The following IQCE variants were observed in gnomAD, a reference collection of about 807,000 sequenced individuals.
The protein encoded by IQCE is IQ motif containing E.
In IQCE, 115 loss-of-function variants were observed where a neutral mutation model predicts 96.0. The ratio of observed to expected loss-of-function variants is 1.20; its 90% confidence interval spans 1.03 to 1.40. IQCE has a LOEUF of 1.40. Ranked by LOEUF, IQCE falls within the 40% of genes most tolerant of loss-of-function variation. The pLI is 0.00. For synonymous variants in IQCE, 412 were observed against 371.2 expected (o/e 1.11, Z -1.26); for missense variants, 1,041 against 909.1 (o/e 1.15, Z -1.87).
At chr7:2,595,433 C>T (rs56106525) in intron 16 of IQCE, among the ~76,000 whole-genome samples, 23,556 of 152,184 alleles carry the variant, frequency 0.15, 2,005 homozygotes, top group African/African-American at 0.21. Flanking sequence ...TTCCTGTGCC[C>T]TCCCTGCCGT....
chr7:2,574,444 G>C (rs1781975363), intron 6 of IQCE, among the ~76,000 whole-genome samples: 1 of 152,254 alleles, frequency 6.6e-6, no homozygotes, highest in Non-Finnish European at 1.5e-5. Context: ...TGTGTGAGAA[G>C]AACGCTCTAA....
chr7:2,584,178 A>T, intron 10 of IQCE, 58 bp from the exon 11 acceptor site: 1 of 1,474,096 alleles, frequency 6.8e-7, no homozygotes, highest in Non-Finnish European at 9.5e-7. Context: ...GTCTTTTCAG[A>T]TAAGGTCTTC....
At chr7:2,576,949 C>T (rs998544354) in intron 6 of IQCE, among the ~76,000 whole-genome samples, 3 of 152,140 alleles carry the variant, frequency 2.0e-5, no homozygotes, top group South Asian at 2.1e-4. Context: ...TTCGTTTAGG[C>T]GCGCATTCCG....
At chr7:2,582,204 G>A in intron 8 of IQCE, 1 of 389,290 alleles carries the variant, frequency 2.6e-6, no homozygotes, top group Non-Finnish European at 5.1e-6. Context: ...GCGGCCCTAG[G>A]GGCTTCAGGT....
At chr7:2,584,881 A>G (rs1327249223) in intron 11 of IQCE, among the ~76,000 whole-genome samples, 1 of 152,162 alleles carries the variant, frequency 6.6e-6, no homozygotes, top group Non-Finnish European at 1.5e-5. Flanking sequence ...TGCTAACTAC[A>G]GTCGATTCTC....
rs974875726 is a variant in IQCE at position 2,611,782 on chromosome 7, G to C, written c.*1620G>C. The C allele has an allele frequency of 7.2e-5, 11 of 152,286 alleles. No individual in the cohort carries two copies. Among genetic ancestry groups the C allele is most frequent in the Middle Eastern group, 3.2e-3 (1 of 316 alleles). 9.4% of individuals were successfully genotyped at this position (152,286 alleles called of 1,614,324 possible). On this transcript the variant is annotated 3_prime_UTR_variant, in exon 22 of 22. Transcript: ENST00000402050. Reference sequence around the variant, plus strand: ...CTGCAGTGGGTGGAAGCGAGTCAGCGGGGGGCCTGGCTTGTGTACGTGTTT... The same window carrying C: ...CTGCAGTGGGTGGAAGCGAGTCAGCCGGGGGCCTGGCTTGTGTACGTGTTT...
rs1785060844 is a variant in IQCE, at chr7:2,610,556, C to T, written c.*394C>T. The T allele has an allele frequency of 5.1e-6, 1 of 195,862 alleles. No individual in the cohort carries two copies. Among genetic ancestry groups the T allele is most frequent in the Admixed American group, 5.8e-5 (1 of 17,260 alleles). 12.1% of individuals were successfully genotyped at this position (195,862 alleles called of 1,614,324 possible). On this transcript the variant is annotated 3_prime_UTR_variant, in exon 22 of 22. Coordinates refer to ENST00000402050, the MANE Select transcript of IQCE (RefSeq NM_152558.5). ...CAGCGCCGACACCATGCCCCCTCTTCCTGGTGACACCCTCAACAACCAGGA... is the reference window on the plus strand; with the variant it reads ...CAGCGCCGACACCATGCCCCCTCTTTCTGGTGACACCCTCAACAACCAGGA...
chr7:2,606,016 G>A lies in IQCE; in HGVS notation c.1865+19G>A, dbSNP rs941998803. On this transcript the variant is annotated intron_variant, in intron 20 of 21. Coordinates refer to ENST00000402050, the MANE Select transcript of IQCE (RefSeq NM_152558.5). ...GGCACAGGTGAGTCAGGGTCACGGG[G>A]ACGTGGGACACAGACATGGCACGAG... 6.9e-6 allele frequency: 11 copies of A among 1,600,368 alleles called. No individual in the cohort carries two copies. Among genetic ancestry groups the A allele is most frequent in the East Asian group, 4.6e-5 (2 of 43,710 alleles).
At position 2,610,299 on chromosome 7, in the gene IQCE, T is replaced by C. The variant is rs1785052591; in HGVS notation, c.*137T>C. The C allele has an allele frequency of 4.7e-6, 3 of 643,062 alleles. No homozygotes were observed. Among genetic ancestry groups the C allele is most frequent in the East Asian group, 2.7e-5 (1 of 36,496 alleles). 39.8% of individuals were successfully genotyped at this position (643,062 alleles called of 1,614,324 possible). ...CCTCAGCATCTGCGTCGTGTCTCTTTGTGCTTTTGTTTGTGGAAGGAGACC... is the reference window on the plus strand; with the variant it reads ...CCTCAGCATCTGCGTCGTGTCTCTTCGTGCTTTTGTTTGTGGAAGGAGACC... On this transcript the variant is annotated 3_prime_UTR_variant, in exon 22 of 22. Coordinates refer to ENST00000402050, the MANE Select transcript of IQCE (RefSeq NM_152558.5).
At chr7:2,599,843 G>C (rs1784315690) in intron 17 of IQCE, among the ~76,000 whole-genome samples, 1 of 151,808 alleles carries the variant, frequency 6.6e-6, no homozygotes. Flanking sequence ...GCCCAGGCTG[G>C]AGTGCAGTGG....
At chr7:2,599,222 A>G (rs918517789) in intron 17 of IQCE, among the ~76,000 whole-genome samples, 1 of 152,070 alleles carries the variant, frequency 6.6e-6, no homozygotes, top group Non-Finnish European at 1.5e-5. Context: ...TCTGAGTTAG[A>G]GTCTTGCTCT....
rs564186503 is a variant in IQCE at position 2,577,325 on chromosome 7, C to T, written c.466-917C>T. ...TGTGCCCGTGGGGATGTGTGTGCGG[C>T]GTATACACATTGGCGTGTGCGTGGC... On this transcript the variant is annotated intron_variant, in intron 6 of 21. Coordinates refer to ENST00000402050, the MANE Select transcript of IQCE (RefSeq NM_152558.5). 8.5e-4 allele frequency among the ~76,000 whole-genome samples: 125 copies of T among 147,126 alleles called. 1 individual carries two copies. Among genetic ancestry groups the T allele is most frequent in the Admixed American group, 2.7e-3 (40 of 14,844 alleles).
intron 6 of IQCE, among the ~76,000 whole-genome samples, chr7:2,575,780 C>T (rs1782077436): frequency 6.6e-6 from 1 of 152,144 alleles, no homozygotes; most frequent in South Asian, 2.1e-4. Flanking sequence ...GTTGGTTTCT[C>T]CAGCATCCAG....
intron 18 of IQCE, among the ~76,000 whole-genome samples, chr7:2,603,681 C>T (rs1011048694): frequency 6.6e-5 from 10 of 152,218 alleles, no homozygotes; most frequent in African/African-American, 2.2e-4. Flanking sequence ...TTCTGGGCAG[C>T]CTCCACATGG....
At chr7:2,596,263 A>G (rs1400025452) in intron 16 of IQCE, among the ~76,000 whole-genome samples, 6 of 152,000 alleles carry the variant, frequency 3.9e-5, no homozygotes, top group African/African-American at 1.5e-4. Context: ...TTTTCTCACT[A>G]AAAAAAGAAA....
chr7:2,592,435 CA>C (rs764451169), intron 14 of IQCE, among the ~76,000 whole-genome samples: 3 of 152,224 alleles, frequency 2.0e-5, no homozygotes, highest in Non-Finnish European at 2.9e-5. Flanking sequence ...TACCGTGTGA[CA>C]GGGGCTCTGC....
At chr7:2,579,863 C>T (rs1273991510) in intron 8 of IQCE, among the ~76,000 whole-genome samples, 1 of 150,908 alleles carries the variant, frequency 6.6e-6, no homozygotes. Flanking sequence ...GGGATACTCC[C>T]ACCTCAACCT....
At chr7:2,573,281 G>A in intron 5 of IQCE, 137 bp from the exon 6 acceptor site, 1 of 591,510 alleles carries the variant, frequency 1.7e-6, no homozygotes, top group Non-Finnish European at 3.0e-6. Context: ...TGGAAAACAT[G>A]GAATTATTTT....
At chr7:2,573,896 A>C (rs1357512089) in intron 6 of IQCE, among the ~76,000 whole-genome samples, 1 of 152,144 alleles carries the variant, frequency 6.6e-6, no homozygotes, top group Non-Finnish European at 1.5e-5. Flanking sequence ...CCCTCTACAG[A>C]AGCTCTGTGG....
Sources: gnomAD v4.1 joint callset for allele counts (sites outside exome capture counted in the v4.1 genomes callset) on GRCh38, gnomAD v4.1.1 for gene constraint, MANE v1.5 for transcripts, NCBI Gene and HGNC (gene_info 2026-07-23, HGNC 2026-07-21) for gene names.